Variants in BAG3 observed in about 807,000 individuals in gnomAD.
The protein encoded by BAG3 is BAG family molecular chaperone regulator 3.
BAG3 carries 14 observed loss-of-function variants against 40.5 expected under a neutral mutation model. The ratio of observed to expected loss-of-function variants is 0.35; its 90% confidence interval spans 0.23 to 0.54. BAG3 has a LOEUF of 0.54. BAG3 is among the 20% of genes least tolerant of loss of function. BAG3 has a pLI of 0.91. For synonymous variants in BAG3, 302 were observed against 307.8 expected (o/e 0.98, Z 0.20); for missense variants, 788 against 758.6 (o/e 1.04, Z -0.46).
Position 119,677,565 on chromosome 10 carries a change from T to C in BAG3, c.*283T>C. On this transcript the variant is annotated 3_prime_UTR_variant, in exon 4 of 4. Transcript: ENST00000369085. ...CTACTTGGGCACCCCCACCACCTGT[T>C]AGCTGTGGTTGTGCACTGTCTTTTG... 1 of 506,982 alleles carries C rather than the reference T, an allele frequency of 2.0e-6. No individual in the cohort carries two copies. Among genetic ancestry groups the C allele is most frequent in the African/African-American group, 1.9e-5 (1 of 51,308 alleles). 31.4% of individuals were successfully genotyped at this position (506,982 alleles called of 1,614,324 possible). A position where few individuals can be genotyped will look rare whatever the true frequency, so the allele number is the denominator to read the frequency against.
chr10:119,664,914 T>G (rs1269614423), intron 1 of BAG3, among the ~76,000 whole-genome samples: 2 of 151,928 alleles, frequency 1.3e-5, no homozygotes, highest in Admixed American at 6.6e-5. Flanking sequence ...GTGGTGTTTT[T>G]TGTGTGTGTG....
At chr10:119,665,148 T>TTC (rs1847047180) in intron 1 of BAG3, among the ~76,000 whole-genome samples, 1 of 119,748 alleles carries the variant, frequency 8.4e-6, no homozygotes. Flanking sequence ...ATATATATTT[T>TTC]TTTTTTTAGT....
At chr10:119,669,011 G>A (rs1847103805) in intron 1 of BAG3, among the ~76,000 whole-genome samples, 1 of 152,212 alleles carries the variant, frequency 6.6e-6, no homozygotes, top group African/African-American at 2.4e-5. Flanking sequence ...GACCAAACAG[G>A]ATTCTTGCCG....
At chr10:119,665,093 TGTGTGTGTG>T (rs1455691828) in intron 1 of BAG3, among the ~76,000 whole-genome samples, 3 of 15,158 alleles carry the variant, frequency 2.0e-4, no homozygotes, top group Non-Finnish European at 3.3e-4. Flanking sequence ...AATTTTTGTT[TGTGTGTGTG>T]TGTGTGTGTG....
intron 3 of BAG3, among the ~76,000 whole-genome samples, chr10:119,675,611 ACTGT>A (rs1564775761): frequency 6.6e-6 from 1 of 152,172 alleles, no homozygotes; most frequent in East Asian, 1.9e-4. Flanking sequence ...CCGTGAGCAG[ACTGT>A]CTGCACAGTG....
intron 1 of BAG3, among the ~76,000 whole-genome samples, chr10:119,653,224 A>T (rs1476316049): frequency 6.6e-6 from 1 of 152,206 alleles, no homozygotes; most frequent in Non-Finnish European, 1.5e-5. Flanking sequence ...AAATTAGTAC[A>T]AGAGGCTGTA....
At position 119,675,781 on chromosome 10, in the gene BAG3, C is replaced by CCCTCCT. The variant is rs1564775862; in HGVS notation, c.910-678_910-677insTCCTCC. ...CTTCCTTCCTTCCCTCCTTCCCTCC[C>CCCTCCT]CCTCCCTTCCCCCCTTCCCCTTCCC... On this transcript the variant is annotated intron_variant, in intron 3 of 3. Transcript: ENST00000369085. Among the ~76,000 whole-genome samples, 83 of 11,504 alleles carry CCCTCCT rather than the reference C, an allele frequency of 7.2e-3. 3 individuals carry two copies. Among genetic ancestry groups the CCCTCCT allele is most frequent in the African/African-American group, 0.023 (78 of 3,406 alleles). 7.5% of individuals were successfully genotyped at this position (11,504 alleles called of 152,430 possible).
chr10:119,658,245 A>G (rs556786870), intron 1 of BAG3, among the ~76,000 whole-genome samples: 21 of 152,372 alleles, frequency 1.4e-4, no homozygotes, highest in African/African-American at 4.1e-4. Flanking sequence ...AGGCCCCTTC[A>G]TGTGCAGAAG....
chr10:119,656,419 C>T (rs1846912323), intron 1 of BAG3, among the ~76,000 whole-genome samples: 1 of 131,980 alleles, frequency 7.6e-6, no homozygotes, highest in Non-Finnish European at 1.5e-5. Flanking sequence ...CGCACTTTGT[C>T]TCCCAGGCTG....
chr10:119,675,919 T>TCCTC (rs762367884), intron 3 of BAG3, among the ~76,000 whole-genome samples: 1 of 10,132 alleles, frequency 9.9e-5, no homozygotes, highest in Non-Finnish European at 1.7e-4. Flanking sequence ...CTTCCTTCCT[T>TCCTC]CCTCCCTCCC....
In BAG3 at chr10:119,669,985, C is replaced by G. The variant is rs566015884; in HGVS notation, c.315C>G (p.Asn105Lys). 8.1e-6 allele frequency: 13 copies of G among 1,614,244 alleles called. No individual in the cohort carries two copies. In the Admixed American group the frequency reaches 8.3e-5, roughly 10 times the overall value. Reference sequence around the variant, plus strand: ...CTGTGCTCCATGAAGGCGCTGAGAACCGGCAGGTGCACCCTTTCCATGTCT... The same window carrying G: ...CTGTGCTCCATGAAGGCGCTGAGAAGCGGCAGGTGCACCCTTTCCATGTCT... ...PIPVLHEGAE[N>K]RQVHPFHVYP... The change falls in exon 2 of 4, where the codon AAC (asparagine) becomes AAG (lysine). Residue 105 changes from asparagine (N) to lysine (K), a missense_variant. Coordinates refer to ENST00000369085, the MANE Select transcript of BAG3 (RefSeq NM_004281.4).
At chr10:119,666,459 A>G (rs1847068571) in intron 1 of BAG3, among the ~76,000 whole-genome samples, 1 of 152,210 alleles carries the variant, frequency 6.6e-6, no homozygotes, top group Admixed American at 6.5e-5. Context: ...CTCTGCTGTC[A>G]CAGTCTTGTG....
In BAG3 at chr10:119,653,320, C is replaced by A. The variant is rs547067275; in HGVS notation, c.180+1465C>A. ...GGTGAAACTGACACTCATTTCAAAC[C>A]ACCTTTCTTAGGAGTCTGCGTGGAT... On this transcript the variant is annotated intron_variant, in intron 1 of 3. Transcript: ENST00000369085. Among the ~76,000 whole-genome samples, 57 of 152,270 alleles carry A rather than the reference C, an allele frequency of 3.7e-4. No homozygotes were observed. In the South Asian group the frequency reaches 0.011, roughly 28 times the overall value.
At chr10:119,659,406 C>T (rs1357987257) in intron 1 of BAG3, among the ~76,000 whole-genome samples, 3 of 152,214 alleles carry the variant, frequency 2.0e-5, no homozygotes, top group Non-Finnish European at 1.5e-5. Flanking sequence ...GCCCACCTTA[C>T]TGAGGGGCCG....
In BAG3 at chr10:119,676,696, C is replaced by G. The variant is rs542317739; in HGVS notation, c.1142C>G (p.Ser381Cys). 1 of 1,614,180 alleles carries G rather than the reference C, an allele frequency of 6.2e-7. No individual in the cohort carries two copies. The highest frequency in any genetic ancestry group is 1.7e-5 in the Admixed American group (1 of 60,018). ...TGTCCTCCTCCCAGCCCTGGCCCTT[C>G]TGCTGTCCCCTCTTCCCCCAAGAGT... The part of the protein sequence containing the change: ...VPCPPPSPGP[S>C]AVPSSPKSVA... The change falls in exon 4 of 4, where the codon TCT (serine) becomes TGT (cysteine). Residue 381 changes from serine (S) to cysteine (C), a missense_variant. Transcript: ENST00000369085.
intron 1 of BAG3, among the ~76,000 whole-genome samples, chr10:119,663,215 A>G (rs541792051): frequency 1.5e-3 from 227 of 152,320 alleles, no homozygotes; most frequent in African/African-American, 5.2e-3. Context: ...GCAGGTGCCC[A>G]AGGGTTGTGG....
At chr10:119,658,710 A>G (rs1375968088) in intron 1 of BAG3, among the ~76,000 whole-genome samples, 2 of 152,182 alleles carry the variant, frequency 1.3e-5, no homozygotes, top group African/African-American at 4.8e-5. Flanking sequence ...ACCATCAGAC[A>G]AACCTGGGTT....
intron 1 of BAG3, among the ~76,000 whole-genome samples, chr10:119,663,589 C>T (rs946203495): frequency 1.3e-5 from 2 of 152,158 alleles, no homozygotes; most frequent in African/African-American, 4.8e-5. Flanking sequence ...GCTGGGATTA[C>T]AGACATGAAC....
At position 119,676,673 on chromosome 10, in the gene BAG3, T is replaced by A; in HGVS notation, c.1119T>A (p.Cys373Ter). 6.2e-7 allele frequency: 1 copy of A among 1,614,162 alleles called. No individual in the cohort carries two copies. The highest frequency in any genetic ancestry group is 8.5e-7 in the Non-Finnish European group (1 of 1,180,028). ...AAGTTCCCCCTGCTCCAGTTCCTTG[T>A]CCTCCTCCCAGCCCTGGCCCTTCTG... ...EVKVPPAPVP[C>*]PPPSPGPSAV... Residue 373 changes from cysteine to a stop codon, truncating the protein, a stop_gained, in exon 4 of 4, where the codon TGT becomes TGA. Coordinates refer to ENST00000369085, the MANE Select transcript of BAG3 (RefSeq NM_004281.4). LOFTEE classifies it high-confidence loss of function.
Sources: gnomAD v4.1 joint callset for allele counts (sites outside exome capture counted in the v4.1 genomes callset) on GRCh38, gnomAD v4.1.1 for gene constraint, MANE v1.5 for transcripts, NCBI Gene and HGNC (gene_info 2026-07-23, HGNC 2026-07-21) for gene names.